Variants in UNC5C observed in about 807,000 individuals in gnomAD.
The protein encoded by UNC5C is unc-5 netrin receptor C.
Under a neutral mutation model 99.8 loss-of-function variants are expected in UNC5C, and 47 were observed. The observed-to-expected ratio is 0.47, with a 90% CI of 0.37 to 0.60. UNC5C has a LOEUF of 0.60. Among genes scored for constraint, UNC5C ranks in the 20% least tolerant of loss-of-function variants. The pLI is 0.00. For synonymous variants in UNC5C, 487 were observed against 452.2 expected, an observed-to-expected ratio of 1.08 and a Z score of -0.98; for missense variants, 1,062 against 1,165.9, an observed-to-expected ratio of 0.91 and a Z score of 1.30.
intron 1 of UNC5C, among the ~76,000 whole-genome samples, chr4:95,391,757 TA>T (rs61515733): frequency 0.13 from 16,607 of 125,742 alleles, 1,027 homozygotes; most frequent in South Asian, 0.18. Flanking sequence ...CCTTTCATGG[TA>T]AAAAAAAAAA....
At chr4:95,500,811 A>G (rs1721757762) in intron 1 of UNC5C, among the ~76,000 whole-genome samples, 1 of 152,170 alleles carries the variant, frequency 6.6e-6, no homozygotes, top group Non-Finnish European at 1.5e-5. Context: ...ATTTTCATTT[A>G]CTGGTTATTT....
intron 11 of UNC5C, among the ~76,000 whole-genome samples, chr4:95,205,077 G>T (rs1417735251): frequency 6.6e-6 from 1 of 152,088 alleles, no homozygotes; most frequent in East Asian, 1.9e-4. Context: ...GTGGTGACAT[G>T]GTGCAGAAAG....
chr4:95,377,683 A>T (rs1165341234), intron 1 of UNC5C, among the ~76,000 whole-genome samples: 2 of 152,044 alleles, frequency 1.3e-5, no homozygotes, highest in Non-Finnish European at 2.9e-5. Flanking sequence ...AAGTCATCTT[A>T]GCCCCAAGAG....
At chr4:95,270,310 C>T (rs113012250) in intron 4 of UNC5C, among the ~76,000 whole-genome samples, 1 of 152,294 alleles carries the variant, frequency 6.6e-6, no homozygotes, top group Non-Finnish European at 1.5e-5. Context: ...GTGTTGACCA[C>T]TGTGAAATAT....
intron 4 of UNC5C, among the ~76,000 whole-genome samples, chr4:95,258,550 CT>C (rs1487329355): frequency 1.8e-4 from 27 of 151,868 alleles, no homozygotes; most frequent in Non-Finnish European, 1.6e-4. Flanking sequence ...AATTTCTGTC[CT>C]TGTGGTTCAG....
At chr4:95,430,343 C>T (rs955605528) in intron 1 of UNC5C, among the ~76,000 whole-genome samples, 2 of 151,914 alleles carry the variant, frequency 1.3e-5, no homozygotes, top group Non-Finnish European at 2.9e-5. Context: ...AATTTTCAGT[C>T]GGAAGGTTAA....
intron 1 of UNC5C, among the ~76,000 whole-genome samples, chr4:95,530,707 G>A (rs935692847): frequency 2.0e-5 from 3 of 152,136 alleles, no homozygotes; most frequent in African/African-American, 7.2e-5. Context: ...ATGATTACAA[G>A]TTTCTATCGA....
intron 1 of UNC5C, among the ~76,000 whole-genome samples, chr4:95,377,759 G>A (rs923681979): frequency 6.6e-6 from 1 of 152,184 alleles, no homozygotes; most frequent in African/African-American, 2.4e-5. Flanking sequence ...TGGCAGATGT[G>A]TTCTGTGTTC....
intron 3 of UNC5C, among the ~76,000 whole-genome samples, chr4:95,298,128 G>T (rs1741728780): frequency 6.6e-6 from 1 of 152,150 alleles, no homozygotes; most frequent in African/African-American, 2.4e-5. Context: ...TCGGTGACAT[G>T]GTGAAACTAC....
intron 1 of UNC5C, among the ~76,000 whole-genome samples, chr4:95,426,398 A>T (rs2149458605): frequency 6.6e-6 from 1 of 152,330 alleles, no homozygotes; most frequent in African/African-American, 2.4e-5. Flanking sequence ...TCCCTAAGAC[A>T]CAACAATTTT....
intron 12 of UNC5C, 150 bp from the exon 13 acceptor site, chr4:95,185,346 C>T: frequency 2.2e-6 from 2 of 901,762 alleles, no homozygotes; most frequent in Non-Finnish European, 3.4e-6. Flanking sequence ...CCTCGAGACC[C>T]TCTAACTAAA....
intron 2 of UNC5C, among the ~76,000 whole-genome samples, chr4:95,331,186 G>A (rs1447690485): frequency 6.6e-6 from 1 of 152,042 alleles, no homozygotes; most frequent in Non-Finnish European, 1.5e-5. Context: ...TCTATTGTTT[G>A]TATATATCAC....
At chr4:95,187,968 C>G (rs1299937971) in intron 12 of UNC5C, among the ~76,000 whole-genome samples, 1 of 152,164 alleles carries the variant, frequency 6.6e-6, no homozygotes, top group Non-Finnish European at 1.5e-5. Context: ...AATAGTCTAC[C>G]AGTCAAAACA....
At chr4:95,506,560 A>G (rs1255852932) in intron 1 of UNC5C, among the ~76,000 whole-genome samples, 1 of 151,950 alleles carries the variant, frequency 6.6e-6, no homozygotes, top group Non-Finnish European at 1.5e-5. Flanking sequence ...GTTACTTTAC[A>G]TTTTTAAAAA....
chr4:95,235,743 C>G (rs1739086473), intron 7 of UNC5C, among the ~76,000 whole-genome samples: 1 of 152,160 alleles, frequency 6.6e-6, no homozygotes, highest in Non-Finnish European at 1.5e-5. Context: ...AATCGGGAAT[C>G]CTTTCCCCGT....
intron 3 of UNC5C, among the ~76,000 whole-genome samples, chr4:95,282,371 G>A (rs1741090714): frequency 6.6e-6 from 1 of 152,178 alleles, no homozygotes; most frequent in Non-Finnish European, 1.5e-5. Flanking sequence ...ACCAAGTTGT[G>A]ATGAGGAGTG....
At chr4:95,360,181 C>A (rs1052873956) in intron 1 of UNC5C, among the ~76,000 whole-genome samples, 2 of 152,106 alleles carry the variant, frequency 1.3e-5, no homozygotes, top group Non-Finnish European at 2.9e-5. Context: ...TTTATACATG[C>A]TATATATACT....
chr4:95,324,854 C>T (rs1198534235), intron 2 of UNC5C, among the ~76,000 whole-genome samples: 1 of 152,140 alleles, frequency 6.6e-6, no homozygotes, highest in Non-Finnish European at 1.5e-5. Context: ...TCCCAGCCTC[C>T]AAATCTCTGA....
At chr4:95,537,049 G>A (rs534346545) in intron 1 of UNC5C, among the ~76,000 whole-genome samples, 1 of 152,006 alleles carries the variant, frequency 6.6e-6, no homozygotes, top group African/African-American at 2.4e-5. Flanking sequence ...ACCCCACTAC[G>A]GTTAAGAGTA....
Sources: allele counts gnomAD v4.1 joint callset (sites outside exome capture counted in the v4.1 genomes callset), GRCh38; gene constraint gnomAD v4.1.1; transcripts MANE v1.5; gene names NCBI Gene and HGNC (gene_info 2026-07-23, HGNC 2026-07-21).